Variants in NETO1 observed in about 807,000 individuals in gnomAD.
The protein encoded by NETO1 is neuropilin and tolloid-like protein 1.
NETO1 carries 26 observed loss-of-function variants against 61.3 expected under a neutral mutation model. That is an observed-to-expected ratio of 0.42 (90% CI 0.31 to 0.59). The LOEUF (loss-of-function observed/expected upper bound fraction) is 0.59. NETO1 is among the 20% of genes least tolerant of loss of function. NETO1 has a pLI of 0.12. For synonymous variants in NETO1, 225 were observed against 225.8 expected (o/e 1.00, Z 0.03); for missense variants, 531 against 662.8 (o/e 0.80, Z 2.18).
At chr18:72,775,117 G>A (rs1036799305) in intron 7 of NETO1, among the ~76,000 whole-genome samples, 1 of 152,214 alleles carries the variant, frequency 6.6e-6, no homozygotes, top group South Asian at 2.1e-4. Context: ...TGAAGAGTTA[G>A]CAAAGTCGGT....
intron 4 of NETO1, among the ~76,000 whole-genome samples, chr18:72,821,076 T>G (rs1299945427): frequency 6.6e-6 from 1 of 151,984 alleles, no homozygotes; most frequent in Non-Finnish European, 1.5e-5. Context: ...CCTGCGTATC[T>G]CTTCTGCCCA....
intron 4 of NETO1, among the ~76,000 whole-genome samples, chr18:72,812,660 GTCC>G (rs1022809703): frequency 6.6e-6 from 1 of 151,894 alleles, no homozygotes; most frequent in Non-Finnish European, 1.5e-5. Flanking sequence ...GTTCCACCTA[GTCC>G]TCCTAATTTC....
At chr18:72,865,382 T>G in intron 1 of NETO1, 141 bp from the exon 2 acceptor site, 1 of 1,119,332 alleles carries the variant, frequency 8.9e-7, no homozygotes, top group Non-Finnish European at 1.3e-6. Flanking sequence ...ATTCAGAACT[T>G]GCAAAAACCA....
chr18:72,807,864 C>T (rs559011775), intron 4 of NETO1, among the ~76,000 whole-genome samples: 1 of 152,110 alleles, frequency 6.6e-6, no homozygotes, highest in South Asian at 2.1e-4. Flanking sequence ...TGTTTCTGTC[C>T]AAGGGCAACC....
chr18:72,865,424 A>G, intron 1 of NETO1, 183 bp from the exon 2 acceptor site: 1 of 1,106,276 alleles, frequency 9.0e-7, no homozygotes, highest in South Asian at 1.6e-5. Context: ...AAACCTTGGG[A>G]CTCCCTTAAG....
intron 4 of NETO1, among the ~76,000 whole-genome samples, chr18:72,825,228 T>C (rs1373158063): frequency 6.6e-6 from 1 of 152,208 alleles, no homozygotes; most frequent in South Asian, 2.1e-4. Flanking sequence ...AACCTGGGGC[T>C]TTCCACATCA....
chr18:72,794,398 T>C lies in NETO1; in HGVS notation c.476A>G (p.Asp159Gly). ...TTTCAAAGCTCCAAGGTCCTTAAAGTCAGGATCTTAAAAATTGAGAAAAAG... is the reference window on the plus strand; with the variant it reads ...TTTCAAAGCTCCAAGGTCCTTAAAGCCAGGATCTTAAAAATTGAGAAAAAG... Reference protein sequence around the residue: ...SARYNFTPDPDFKDLGALKPL... With the variant: ...SARYNFTPDPGFKDLGALKPL... The change falls in exon 5 of 11, where the codon GAC (aspartate) becomes GGC (glycine). Residue 159 changes from aspartate (D) to glycine (G), a missense_variant. By Grantham distance (94) the Asp-to-Gly change is moderately conservative (BLOSUM62 -1). Coordinates refer to ENST00000327305, the MANE Select transcript of NETO1 (RefSeq NM_138966.5). 6.2e-7 allele frequency: 1 copy of C among 1,609,838 alleles called. No individual in the cohort carries two copies. The highest frequency in any genetic ancestry group is 8.5e-7 in the Non-Finnish European group (1 of 1,179,110).
At chr18:72,784,147 C>A (rs748421973) in intron 6 of NETO1, among the ~76,000 whole-genome samples, 1 of 151,950 alleles carries the variant, frequency 6.6e-6, no homozygotes, top group Non-Finnish European at 1.5e-5. Flanking sequence ...GTATTTTTAC[C>A]CAAATTCGCT....
intron 4 of NETO1, among the ~76,000 whole-genome samples, chr18:72,810,182 A>AAATATTC (rs1306024512): frequency 1.3e-5 from 2 of 152,164 alleles, no homozygotes; most frequent in Non-Finnish European, 2.9e-5. Context: ...ATGATTACCA[A>AAATATTC]AATATTCAAA....
chr18:72,781,260 T>C (rs2145219786), intron 7 of NETO1, among the ~76,000 whole-genome samples: 1 of 152,236 alleles, frequency 6.6e-6, no homozygotes, highest in East Asian at 1.9e-4. Context: ...AAATACGAGT[T>C]CTTGGTATGT....
intron 4 of NETO1, among the ~76,000 whole-genome samples, chr18:72,824,683 GGC>G (rs1317293772): frequency 6.7e-6 from 1 of 150,128 alleles, no homozygotes. Context: ...TGGCCAACAT[GGC>G]GAAACCCCGT....
rs150372649 is a variant in NETO1 at position 72,853,294 on chromosome 18, T to C, written c.469+5532A>G. The C allele has an allele frequency of 2.0e-5, 3 of 152,354 alleles. No individual in the cohort carries two copies. The East Asian group carries it at 5.8e-4, about 29-fold the overall frequency. The allele number at this position is 152,354 out of a possible 1,614,324, so 9.4% of individuals were successfully genotyped here. On this transcript the variant is annotated intron_variant, in intron 4 of 10. Transcript: ENST00000327305. Reference sequence around the variant, plus strand: ...CTGAAATGAGAATATTTTGAGTCAGTAGTATAAACAGAACATTCAGGTTGG... The same window carrying C: ...CTGAAATGAGAATATTTTGAGTCAGCAGTATAAACAGAACATTCAGGTTGG...
chr18:72,774,774 A>T (rs2071488197), intron 7 of NETO1, among the ~76,000 whole-genome samples: 1 of 152,222 alleles, frequency 6.6e-6, no homozygotes, highest in Non-Finnish European at 1.5e-5. Context: ...TATGCTAAAG[A>T]TAATACTTAA....
chr18:72,767,427 A>C (rs951134922), intron 7 of NETO1, among the ~76,000 whole-genome samples: 1 of 152,164 alleles, frequency 6.6e-6, no homozygotes, highest in African/African-American at 2.4e-5. Flanking sequence ...TATTTAAAAA[A>C]ATTATTCTAA....
rs188697712 is a variant in NETO1 at position 72,752,230 on chromosome 18, A to G, written c.983-1610T>C. On this transcript the variant is annotated intron_variant, in intron 8 of 10. Transcript: ENST00000327305. ...GGCTAGACTCAAGGACTACCCTTGC[A>G]ATTAATTAAATTTAATTGACTAGAC... Among the ~76,000 whole-genome samples the G allele has an allele frequency of 1.3e-4, 20 of 152,296 alleles. No individual in the cohort carries two copies. The East Asian group carries it at 3.5e-3, about 27-fold the overall frequency.
At chr18:72,817,110 C>T (rs796203154) in intron 4 of NETO1, among the ~76,000 whole-genome samples, 38 of 152,330 alleles carry the variant, frequency 2.5e-4, no homozygotes, top group African/African-American at 8.9e-4. Flanking sequence ...TATTCCTCTT[C>T]TCTTGGAACC....
chr18:72,826,188 T>C (rs1489477224), intron 4 of NETO1, among the ~76,000 whole-genome samples: 1 of 152,156 alleles, frequency 6.6e-6, no homozygotes, highest in Non-Finnish European at 1.5e-5. Flanking sequence ...ATTTTTGATA[T>C]CTTACAGCTT....
intron 7 of NETO1, among the ~76,000 whole-genome samples, chr18:72,775,586 G>C (rs2071519444): frequency 6.6e-6 from 1 of 152,168 alleles, no homozygotes; most frequent in Non-Finnish European, 1.5e-5. Context: ...GGATAGGACA[G>C]AAGAATCAAA....
At chr18:72,764,877 C>T (rs986296167) in intron 7 of NETO1, among the ~76,000 whole-genome samples, 4 of 152,102 alleles carry the variant, frequency 2.6e-5, no homozygotes, top group African/African-American at 2.4e-5. Context: ...CCCCGGATAC[C>T]GTTGAGCCAG....
Sources: gnomAD v4.1 joint callset for allele counts (sites outside exome capture counted in the v4.1 genomes callset) on GRCh38, gnomAD v4.1.1 for gene constraint, MANE v1.5 for transcripts, NCBI Gene and HGNC (gene_info 2026-07-23, HGNC 2026-07-21) for gene names.